The following COL4A2 variants were observed in gnomAD, a reference collection of about 807,000 sequenced individuals.
The protein encoded by COL4A2 is collagen type IV alpha 2 chain, also known as collagen alpha-2(IV) chain.
In COL4A2, 99 loss-of-function variants were observed where a neutral mutation model predicts 200.2. The observed-to-expected ratio is 0.49, with a 90% CI of 0.42 to 0.58. COL4A2 has a LOEUF of 0.58. COL4A2 is among the 20% of genes least tolerant of loss of function. The pLI is 0.00. For missense variants in COL4A2, 1,950 were observed against 2,314.1 expected, an observed-to-expected ratio of 0.84 and a Z score of 3.23; for synonymous variants, 897 against 900.6, an observed-to-expected ratio of 1.00 and a Z score of 0.07.
At chr13:110,426,101 A>T (rs2139455376) in intron 6 of COL4A2, among the ~76,000 whole-genome samples, 1 of 152,286 alleles carries the variant, frequency 6.6e-6, no homozygotes, top group South Asian at 2.1e-4. Context: ...AGAAATGAAG[A>T]ATCTGCACAA....
chr13:110,351,048 A>G (rs1311763270), intron 3 of COL4A2, among the ~76,000 whole-genome samples: 2 of 150,188 alleles, frequency 1.3e-5, no homozygotes, highest in African/African-American at 4.9e-5. Context: ...TTCTTTCTTT[A>G]TTTTTATTTT....
intron 45 of COL4A2, among the ~76,000 whole-genome samples, 146 bp from the exon 46 acceptor site, chr13:110,506,257 ACTCTCTCTCTCT>A (rs10558706): frequency 8.5e-6 from 1 of 117,440 alleles, no homozygotes; most frequent in Non-Finnish European, 1.7e-5. Context: ...CAGGCCGTCC[ACTCTCTCTCTCT>A]CTCTCTCTCT....
intron 4 of COL4A2, among the ~76,000 whole-genome samples, chr13:110,410,021 C>A (rs1413612520): frequency 2.0e-5 from 3 of 152,180 alleles, no homozygotes; most frequent in Non-Finnish European, 4.4e-5. Flanking sequence ...ATCAGACACT[C>A]GGTGTTACTG....
At chr13:110,421,914 G>T (rs142187104) in intron 4 of COL4A2, among the ~76,000 whole-genome samples, 1 of 152,214 alleles carries the variant, frequency 6.6e-6, no homozygotes, top group Non-Finnish European at 1.5e-5. Context: ...AAGGGTTGAC[G>T]AATGCAGATA....
intron 40 of COL4A2, among the ~76,000 whole-genome samples, chr13:110,496,153 G>A (rs1256025354): frequency 1.3e-5 from 2 of 152,212 alleles, no homozygotes; most frequent in Non-Finnish European, 2.9e-5. Context: ...GGCACCCTGG[G>A]CTCCATGCTG....
intron 4 of COL4A2, among the ~76,000 whole-genome samples, chr13:110,408,233 G>A (rs1047889952): frequency 6.6e-6 from 1 of 152,220 alleles, no homozygotes; most frequent in Non-Finnish European, 1.5e-5. Context: ...GGCCACAAGG[G>A]TCCCCAGGGC....
intron 3 of COL4A2, among the ~76,000 whole-genome samples, chr13:110,343,849 A>G (rs1876577110): frequency 6.6e-6 from 1 of 152,236 alleles, no homozygotes; most frequent in South Asian, 2.1e-4. Flanking sequence ...GGTTTTGAAC[A>G]GAACTCTTAA....
intron 4 of COL4A2, among the ~76,000 whole-genome samples, chr13:110,412,402 C>T (rs919065012): frequency 6.6e-6 from 1 of 152,172 alleles, no homozygotes; most frequent in Non-Finnish European, 1.5e-5. Flanking sequence ...AGCCAAGGGC[C>T]GGTGGATGCT....
intron 4 of COL4A2, among the ~76,000 whole-genome samples, chr13:110,407,773 C>T (rs1483670394): frequency 6.6e-6 from 1 of 152,174 alleles, no homozygotes; most frequent in African/African-American, 2.4e-5. Context: ...AATCAGTGCC[C>T]TCCCAGTGCA....
At chr13:110,331,333 G>A (rs1875903183) in intron 3 of COL4A2, among the ~76,000 whole-genome samples, 1 of 152,218 alleles carries the variant, frequency 6.6e-6, no homozygotes, top group Non-Finnish European at 1.5e-5. Context: ...TTTTTCTGCA[G>A]TAGTTTTCCT....
At position 110,428,491 on chromosome 13, in the gene COL4A2, A is replaced by G. The variant is rs376759822; in HGVS notation, c.385A>G (p.Arg129Gly). 1.1e-4 allele frequency: 178 copies of G among 1,583,180 alleles called. 1 individual carries two copies. The African/African-American group carries it at 2.2e-3, about 20-fold the overall frequency. The part of the protein sequence containing the change: ...IPGHPGQGGP[R>G]GRPGYDGCNG... ...GGGACACCCGGGGCAAGGTGGGCCCAGGGGAAGGCCGGGCTACGATGGCTG... is the reference window on the plus strand; with the variant it reads ...GGGACACCCGGGGCAAGGTGGGCCCGGGGGAAGGCCGGGCTACGATGGCTG... The change falls in exon 7 of 48, where the codon AGG (arginine) becomes GGG (glycine). Residue 129 changes from arginine to glycine, a missense_variant. This residue lies in a region of COL4A2 where 565 missense variants were observed against 593.5 expected (regional missense o/e 0.95). Coordinates refer to ENST00000360467, the MANE Select transcript of COL4A2 (RefSeq NM_001846.4).
intron 27 of COL4A2, chr13:110,468,427 TCAGCACACACCCAGACTA>T (rs950556587): frequency 4.6e-6 from 2 of 430,762 alleles, no homozygotes; most frequent in African/African-American, 4.1e-5. Flanking sequence ...GCCAGCACGC[TCAGCACACACCCAGACTA>T]CAGCCGTGTG....
intron 4 of COL4A2, among the ~76,000 whole-genome samples, chr13:110,404,676 G>T (rs960167572): frequency 2.6e-5 from 4 of 152,196 alleles, no homozygotes; most frequent in Admixed American, 2.6e-4. Flanking sequence ...TTAAGAAGGA[G>T]TCCAGGAAGG....
intron 3 of COL4A2, among the ~76,000 whole-genome samples, chr13:110,354,311 C>T (rs1339755772): frequency 3.3e-5 from 5 of 152,236 alleles, no homozygotes; most frequent in East Asian, 3.9e-4. Context: ...GGCATGAATG[C>T]GCCAGCCCAT....
At chr13:110,421,956 ATTTC>A (rs1161002424) in intron 4 of COL4A2, among the ~76,000 whole-genome samples, 2 of 152,228 alleles carry the variant, frequency 1.3e-5, no homozygotes, top group African/African-American at 4.8e-5. Context: ...AGACGTGCAT[ATTTC>A]CATTTTGGTT....
At chr13:110,427,858 A>C (rs1880526785) in intron 6 of COL4A2, among the ~76,000 whole-genome samples, 1 of 152,220 alleles carries the variant, frequency 6.6e-6, no homozygotes, top group South Asian at 2.1e-4. Context: ...TTTCCTAAGA[A>C]AGCAAACAAG....
chr13:110,310,049 C>T (rs772483528), intron 3 of COL4A2, among the ~76,000 whole-genome samples: 16 of 152,202 alleles, frequency 1.1e-4, no homozygotes, highest in Admixed American at 2.0e-4. Context: ...GCCCTAATCT[C>T]TTAAATCCAG....
At chr13:110,430,012 T>C (rs748675556) in intron 8 of COL4A2, 56 bp downstream of exon 8, 6 of 1,486,886 alleles carry the variant, frequency 4.0e-6, no homozygotes, top group Non-Finnish European at 5.4e-6. Flanking sequence ...AATTCTCAAC[T>C]AACAAAGTTA....
intron 27 of COL4A2, among the ~76,000 whole-genome samples, 200 bp from the exon 28 acceptor site, chr13:110,469,017 T>C (rs1455874345): frequency 6.6e-6 from 1 of 152,172 alleles, no homozygotes; most frequent in African/African-American, 2.4e-5. Flanking sequence ...TTATCATTCT[T>C]ATGGTTCCAG....
Sources: allele counts gnomAD v4.1 joint callset (sites outside exome capture counted in the v4.1 genomes callset), GRCh38; gene constraint gnomAD v4.1.1; regional missense constraint gnomAD v4.1.1; transcripts MANE v1.5; gene names NCBI Gene and HGNC (gene_info 2026-07-23, HGNC 2026-07-21).